IL1RAPL1: variants seen among roughly 807,000 people sequenced by gnomAD.
The protein encoded by IL1RAPL1 is interleukin 1 receptor accessory protein like 1.
In IL1RAPL1, 3 loss-of-function variants were observed where a neutral mutation model predicts 48.4. That is an observed-to-expected ratio of 0.06 (90% confidence interval 0.03 to 0.16). The LOEUF is 0.16. Among genes scored for constraint, IL1RAPL1 ranks in the 10% least tolerant of loss-of-function variants. IL1RAPL1 has a pLI of 1.00. For missense variants in IL1RAPL1, 349 were observed against 530.6 expected (o/e 0.66, Z 3.36); for synonymous variants, 185 against 187.7 (o/e 0.99, Z 0.12).
chrX:28,820,517 A>C (rs1475186604), intron 2 of IL1RAPL1, among the ~76,000 whole-genome samples: 1 of 111,843 alleles, frequency 8.9e-6, no homozygotes, highest in Admixed American at 9.5e-5. Context: ...TTGTTATTCA[A>C]ATAGGAACAA....
chrX:29,595,492 G>A (rs1923514475), intron 5 of IL1RAPL1, among the ~76,000 whole-genome samples: 1 of 112,054 alleles, frequency 8.9e-6, no homozygotes, highest in African/African-American at 3.2e-5. Flanking sequence ...GATAATTAGT[G>A]ATGTTGAGCA....
At chrX:29,080,180 A>G (rs1602047251) in intron 2 of IL1RAPL1, among the ~76,000 whole-genome samples, 2 of 110,162 alleles carry the variant, frequency 1.8e-5, no homozygotes, top group South Asian at 7.9e-4. Flanking sequence ...TGAGCCCGGG[A>G]GTTCAAGACA....
chrX:29,699,831 C>G (rs1569149100), intron 6 of IL1RAPL1, among the ~76,000 whole-genome samples: 1 of 112,230 alleles, frequency 8.9e-6, no homozygotes, highest in Non-Finnish European at 1.9e-5. Context: ...TGACTTCACT[C>G]AAAAGTTCAT....
intron 2 of IL1RAPL1, among the ~76,000 whole-genome samples, chrX:29,160,789 C>A (rs1167050395): frequency 8.9e-6 from 1 of 112,482 alleles, no homozygotes; most frequent in African/African-American, 3.2e-5. Context: ...TTGGGTGGCT[C>A]ATGCCTGTCA....
chrX:29,367,995 G>A (rs1325970977), intron 3 of IL1RAPL1, among the ~76,000 whole-genome samples: 2 of 110,082 alleles, frequency 1.8e-5, no homozygotes, highest in Non-Finnish European at 3.8e-5. Flanking sequence ...ACATATATAT[G>A]TGTATATATA....
At chrX:28,602,823 A>G (rs1019227660) in intron 1 of IL1RAPL1, among the ~76,000 whole-genome samples, 1 of 111,693 alleles carries the variant, frequency 9.0e-6, no homozygotes. Flanking sequence ...AAGTATAAAA[A>G]TAATATATTT....
In IL1RAPL1 at chrX:28,679,293, GT is replaced by G. The variant is rs751583720; in HGVS notation, c.-25+91254del. 1.4e-4 allele frequency among the ~76,000 whole-genome samples: 15 copies of G among 110,084 alleles called. No individual in the cohort carries two copies. In the East Asian group the frequency reaches 3.4e-3, roughly 25 times the overall value. The stretch of plus-strand genomic sequence containing the variant: ...AGATCCTTTGCCCATTTTTATTCGG[GT>G]TTTTTTTCCATTATTTCGTTTTCAT... On this transcript the variant is annotated intron_variant, in intron 1 of 10. Transcript: ENST00000378993.
intron 2 of IL1RAPL1, among the ~76,000 whole-genome samples, chrX:28,821,777 CT>C (rs1210451631): frequency 2.7e-5 from 3 of 111,160 alleles, no homozygotes; most frequent in African/African-American, 9.8e-5. Context: ...GTGAAGTTTA[CT>C]GATGGAAGGG....
At chrX:29,128,219 A>G (rs1282806925) in intron 2 of IL1RAPL1, among the ~76,000 whole-genome samples, 6 of 111,172 alleles carry the variant, frequency 5.4e-5, no homozygotes, top group Middle Eastern at 4.6e-3. Flanking sequence ...GTAATGCCCT[A>G]AGATACATTA....
chrX:29,221,480 G>C (rs1009725785), intron 2 of IL1RAPL1, among the ~76,000 whole-genome samples: 1 of 110,781 alleles, frequency 9.0e-6, no homozygotes, highest in Non-Finnish European at 1.9e-5. Flanking sequence ...TATATACCCC[G>C]TGAAGGTCTC....
At chrX:29,222,123 A>G (rs1411423254) in intron 2 of IL1RAPL1, among the ~76,000 whole-genome samples, 5 of 110,904 alleles carry the variant, frequency 4.5e-5, no homozygotes, top group Non-Finnish European at 7.5e-5. Context: ...TTTGGTGTAG[A>G]TGTATTGCAC....
chrX:29,275,626 G>T (rs139201307), intron 2 of IL1RAPL1, among the ~76,000 whole-genome samples: 1 of 111,983 alleles, frequency 8.9e-6, no homozygotes, highest in Non-Finnish European at 1.9e-5. Context: ...AACAGTTCTG[G>T]GTTGAGAGGT....
intron 2 of IL1RAPL1, among the ~76,000 whole-genome samples, chrX:28,888,507 AT>A (rs1922697898): frequency 9.0e-6 from 1 of 111,430 alleles, no homozygotes; most frequent in Non-Finnish European, 1.9e-5. Context: ...GCCAATGAAC[AT>A]TAAATTGCCA....
At chrX:29,935,418 A>T (rs1003055938) in intron 8 of IL1RAPL1, among the ~76,000 whole-genome samples, 3 of 111,636 alleles carry the variant, frequency 2.7e-5, no homozygotes, top group Non-Finnish European at 3.8e-5. Flanking sequence ...ACCGGTTGAC[A>T]TTCTGCTCTT....
rs759151332 is a variant in IL1RAPL1, at chrX:29,259,228, ACTTT to A, written c.83-23706_83-23703del. Among the ~76,000 whole-genome samples the A allele has an allele frequency of 9.8e-5, 11 of 111,704 alleles. No individual in the cohort carries two copies. In the East Asian group the frequency reaches 2.8e-3, roughly 28 times the overall value. The stretch of plus-strand genomic sequence containing the variant: ...AGTTTCATTTTCCAAAAGATACCAT[ACTTT>A]CTTAACTCAATTTTTAAAATTATTT... On this transcript the variant is annotated intron_variant, in intron 2 of 10. Transcript: ENST00000378993.
intron 3 of IL1RAPL1, among the ~76,000 whole-genome samples, chrX:29,304,059 C>T (rs760676045): frequency 3.2e-4 from 36 of 111,798 alleles, no homozygotes; most frequent in Middle Eastern, 4.6e-3. Context: ...ACTTATTGGA[C>T]GCTTCATTGT....
intron 2 of IL1RAPL1, among the ~76,000 whole-genome samples, chrX:28,931,543 A>T (rs2147343371): frequency 8.9e-6 from 1 of 112,007 alleles, no homozygotes; most frequent in African/African-American, 3.2e-5. Flanking sequence ...ATTAACAAGT[A>T]TTTAACCACC....
chrX:29,566,539 A>C (rs1023481110), intron 5 of IL1RAPL1, among the ~76,000 whole-genome samples: 1 of 112,442 alleles, frequency 8.9e-6, no homozygotes, highest in Non-Finnish European at 1.9e-5. Flanking sequence ...AATTTCTAAT[A>C]GTGTTTACAC....
At chrX:29,179,428 G>A (rs1415605539) in intron 2 of IL1RAPL1, among the ~76,000 whole-genome samples, 3 of 111,829 alleles carry the variant, frequency 2.7e-5, no homozygotes, top group African/African-American at 9.8e-5. Flanking sequence ...TTTTATATTT[G>A]TGTATTCTAG....
Sources: allele counts gnomAD v4.1 joint callset (sites outside exome capture counted in the v4.1 genomes callset), GRCh38; gene constraint gnomAD v4.1.1; transcripts MANE v1.5; gene names NCBI Gene and HGNC (gene_info 2026-07-23, HGNC 2026-07-21).